The following THSD7A variants were observed in gnomAD, a reference collection of about 807,000 sequenced individuals.
The protein encoded by THSD7A is thrombospondin type 1 domain containing 7A.
THSD7A carries 96 observed loss-of-function variants against 231.3 expected under a neutral mutation model. That is an observed-to-expected ratio of 0.41 (90% confidence interval 0.35 to 0.49). The LOEUF (loss-of-function observed/expected upper bound fraction) is 0.49. THSD7A is among the 20% of genes least tolerant of loss of function. The pLI, the probability that THSD7A is intolerant of heterozygous loss-of-function variation, is 0.05. For missense variants in THSD7A, 2,290 were observed against 2,070.2 expected (o/e 1.11, Z -2.06); for synonymous variants, 940 against 743.3 (o/e 1.26, Z -4.30).
chr7:11,722,826 A>T lies in THSD7A; in HGVS notation c.191-85865T>A, dbSNP rs531218104. On this transcript the variant is annotated intron_variant, in intron 1 of 27. Transcript: ENST00000423059. ...GGCGATCATTAAAAAGTCAGGAAAC[A>T]ACACGTGCTGGAGAGGATGTGGAGA... Among the ~76,000 whole-genome samples, 160 of 152,148 alleles carry T rather than the reference A, an allele frequency of 1.1e-3. 3 individuals carry two copies. Among genetic ancestry groups the T allele is most frequent in the Admixed American group, 3.1e-3 (47 of 15,278 alleles).
intron 3 of THSD7A, 37 bp downstream of exon 3, chr7:11,593,217 G>C: frequency 1.2e-6 from 2 of 1,603,174 alleles, no homozygotes; most frequent in African/African-American, 2.7e-5. Context: ...AGCAAATGTA[G>C]TTTCGGCAGA....
chr7:11,717,960 T>A (rs1294635838), intron 1 of THSD7A, among the ~76,000 whole-genome samples: 3 of 151,572 alleles, frequency 2.0e-5, no homozygotes, highest in South Asian at 4.1e-4. Context: ...ATTTCCAAAA[T>A]TCAAAATTTC....
chr7:11,592,135 A>C (rs1024526338), intron 3 of THSD7A, among the ~76,000 whole-genome samples: 10 of 152,182 alleles, frequency 6.6e-5, no homozygotes, highest in African/African-American at 1.9e-4. Context: ...GAACCAGAAC[A>C]ATCAGTGGGA....
chr7:11,451,696 T>C (rs138484807), intron 11 of THSD7A, among the ~76,000 whole-genome samples: 62 of 151,670 alleles, frequency 4.1e-4, no homozygotes, highest in Middle Eastern at 3.4e-3. Context: ...TAAAAGGGAA[T>C]AGATAACACT....
chr7:11,801,695 G>C (rs991770042), intron 1 of THSD7A, among the ~76,000 whole-genome samples: 25 of 152,058 alleles, frequency 1.6e-4, no homozygotes, highest in African/African-American at 5.6e-4. Flanking sequence ...TTTAGATGTG[G>C]AAAATGAGTA....
intron 2 of THSD7A, among the ~76,000 whole-genome samples, chr7:11,603,480 G>C (rs1046740087): frequency 9.9e-5 from 15 of 151,880 alleles, no homozygotes; most frequent in Non-Finnish European, 1.5e-4. Flanking sequence ...CGATTCCTCA[G>C]GGATCTAGAA....
chr7:11,552,230 T>C lies in THSD7A; in HGVS notation c.1454-9113A>G, dbSNP rs988777330. Among the ~76,000 whole-genome samples the C allele has an allele frequency of 7.2e-5, 11 of 152,068 alleles. No homozygotes were observed. The East Asian group carries it at 1.7e-3, about 24-fold the overall frequency. ...CCTATTGAGTACTATGCTCATTACCTGGGTGATGAAATCTATACACTAACC... is the reference window on the plus strand; with the variant it reads ...CCTATTGAGTACTATGCTCATTACCCGGGTGATGAAATCTATACACTAACC... On this transcript the variant is annotated intron_variant, in intron 4 of 27. Transcript: ENST00000423059.
rs529403792 is a variant in THSD7A at position 11,515,263 on chromosome 7, C to G, written c.1822+26156G>C. On this transcript the variant is annotated intron_variant, in intron 6 of 27. Transcript: ENST00000423059. ...CCTCTCAGAATATTAATGTTACTTG[C>G]TAGGTCTGTGATACTTTAACTGAAT... Among the ~76,000 whole-genome samples the G allele has an allele frequency of 3.9e-5, 6 of 152,194 alleles. No individual in the cohort carries two copies. The East Asian group carries it at 1.2e-3, about 29-fold the overall frequency.
rs905473744 is a variant in THSD7A, at chr7:11,653,111, A to G, written c.191-16150T>C. ...TTTTTGCAAATTTCTCACCATCTGC[A>G]TCTTTCAACAACCCTGCCATACAGG... On this transcript the variant is annotated intron_variant, in intron 1 of 27. Coordinates refer to ENST00000423059, the MANE Select transcript of THSD7A (RefSeq NM_015204.3). Among the ~76,000 whole-genome samples, 22 of 151,976 alleles carry G rather than the reference A, an allele frequency of 1.4e-4. 1 individual carries two copies. Among genetic ancestry groups the G allele is most frequent in the Admixed American group, 9.2e-4 (14 of 15,210 alleles).
intron 1 of THSD7A, among the ~76,000 whole-genome samples, chr7:11,654,107 A>T (rs1428409525): frequency 6.6e-6 from 1 of 151,912 alleles, no homozygotes; most frequent in East Asian, 1.9e-4. Context: ...GATAATTTAT[A>T]ATCTGAATTC....
chr7:11,811,031 C>G (rs955668102), intron 1 of THSD7A, among the ~76,000 whole-genome samples: 2 of 152,130 alleles, frequency 1.3e-5, no homozygotes, highest in Non-Finnish European at 2.9e-5. Flanking sequence ...GAACTTCAAA[C>G]TTCTGAAGAC....
intron 6 of THSD7A, among the ~76,000 whole-genome samples, chr7:11,492,100 A>G (rs1786917691): frequency 6.6e-6 from 1 of 151,952 alleles, no homozygotes; most frequent in Non-Finnish European, 1.5e-5. Flanking sequence ...TGTGTTTTAG[A>G]GACATTCCGC....
intron 6 of THSD7A, among the ~76,000 whole-genome samples, chr7:11,538,284 T>A (rs183625807): frequency 6.6e-6 from 1 of 152,130 alleles, no homozygotes; most frequent in East Asian, 1.9e-4. Context: ...GAAAGTCACA[T>A]GGAAAAGTGT....
At chr7:11,391,650 C>G (rs1782986178) in intron 23 of THSD7A, among the ~76,000 whole-genome samples, 1 of 152,194 alleles carries the variant, frequency 6.6e-6, no homozygotes, top group African/African-American at 2.4e-5. Context: ...ATTCCAGGTG[C>G]CATTGGGGTA....
At chr7:11,665,259 T>A (rs557689444) in intron 1 of THSD7A, among the ~76,000 whole-genome samples, 2 of 152,270 alleles carry the variant, frequency 1.3e-5, no homozygotes, top group Middle Eastern at 6.8e-3. Flanking sequence ...AAGGATTTTT[T>A]AATTTCCACT....
At chr7:11,683,124 A>T (rs937565926) in intron 1 of THSD7A, among the ~76,000 whole-genome samples, 2 of 151,606 alleles carry the variant, frequency 1.3e-5, no homozygotes, top group Non-Finnish European at 2.9e-5. Flanking sequence ...CCATCTCAAA[A>T]AAAAAAAAAA....
At chr7:11,609,108 A>C (rs1419145531) in intron 2 of THSD7A, among the ~76,000 whole-genome samples, 1 of 140,488 alleles carries the variant, frequency 7.1e-6, no homozygotes, top group African/African-American at 2.8e-5. Context: ...GCCAGAATGA[A>C]GTTTCTGACA....
chr7:11,688,465 T>C (rs1257915154), intron 1 of THSD7A, among the ~76,000 whole-genome samples: 1 of 151,772 alleles, frequency 6.6e-6, no homozygotes, highest in Non-Finnish European at 1.5e-5. Flanking sequence ...ATATAATCAT[T>C]CATCCACACA....
intron 2 of THSD7A, among the ~76,000 whole-genome samples, chr7:11,615,518 C>A (rs771306554): frequency 6.6e-6 from 1 of 152,158 alleles, no homozygotes; most frequent in African/African-American, 2.4e-5. Flanking sequence ...CATTCTATTG[C>A]TTGCAGCTAA....
Sources: allele counts gnomAD v4.1 joint callset (sites outside exome capture counted in the v4.1 genomes callset), GRCh38; gene constraint gnomAD v4.1.1; transcripts MANE v1.5; gene names NCBI Gene and HGNC (gene_info 2026-07-23, HGNC 2026-07-21).